Variants in E2F5 observed in about 807,000 individuals in gnomAD.
The protein encoded by E2F5 is E2F transcription factor 5, also known as transcription factor E2F5.
E2F5 carries 23 observed loss-of-function variants against 39.1 expected under a neutral mutation model. That is an observed-to-expected ratio of 0.59 (90% CI 0.42 to 0.83). The LOEUF is 0.83. Ranked by LOEUF, E2F5 falls within the 40% of genes least tolerant of loss-of-function variation. E2F5 has a pLI of 0.00. For synonymous variants in E2F5, 145 were observed against 157.8 expected, an observed-to-expected ratio of 0.92 and a Z score of 0.61; for missense variants, 365 against 406.7, an observed-to-expected ratio of 0.90 and a Z score of 0.88.
At chr8:85,213,098 A>AT (rs1812978372) in intron 7 of E2F5, 1 of 150,406 alleles carries the variant, frequency 6.6e-6, no homozygotes. Flanking sequence ...GGGTTTCACC[A>AT]TGTTGGCCAG....
At chr8:85,200,129 C>T (rs781104027) in intron 1 of E2F5, among the ~76,000 whole-genome samples, 13 of 152,074 alleles carry the variant, frequency 8.5e-5, no homozygotes, top group South Asian at 2.1e-4. Flanking sequence ...CACCTGTAGT[C>T]CCAGCTACTT....
At position 85,209,263 on chromosome 8, in the gene E2F5, C is replaced by T; in HGVS notation, c.737C>T (p.Pro246Leu). 6.2e-7 allele frequency: 1 copy of T among 1,614,004 alleles called. No homozygotes were observed. The highest frequency in any genetic ancestry group is 8.5e-7 in the Non-Finnish European group (1 of 1,179,906). ...SKPVVFPVPPPDDLTQPSSQS... is the reference protein window; with the variant it reads ...SKPVVFPVPPLDDLTQPSSQS... Reference sequence around the variant, plus strand: ...CCCGTGGTTTTTCCTGTTCCCCCACCTGATGACCTCACACAGCCTTCCTCC... The same window carrying T: ...CCCGTGGTTTTTCCTGTTCCCCCACTTGATGACCTCACACAGCCTTCCTCC... The change falls in exon 6 of 8, where the codon CCT (proline) becomes CTT (leucine). Residue 246 changes from proline (P) to leucine (L), a missense_variant. Pro to Leu is a moderately conservative substitution (Grantham distance 98). Coordinates refer to ENST00000416274, the MANE Select transcript of E2F5 (RefSeq NM_001951.4).
rs1374676846 is a variant in E2F5, at chr8:85,203,984, C to T, written c.506+729C>T. Among the ~76,000 whole-genome samples the T allele has an allele frequency of 4.0e-5, 6 of 151,724 alleles. No individual in the cohort carries two copies. The East Asian group carries it at 5.8e-4, about 15-fold the overall frequency. On this transcript the variant is annotated intron_variant, in intron 3 of 7. Coordinates refer to ENST00000416274, the MANE Select transcript of E2F5 (RefSeq NM_001951.4). The stretch of plus-strand genomic sequence containing the variant: ...TACCTGTACTCTTAAAGAAACTAAC[C>T]ACATTTTACCTTGTAGCACCTCATG...
intron 3 of E2F5, among the ~76,000 whole-genome samples, chr8:85,205,824 G>A (rs775875927): frequency 1.6e-4 from 24 of 152,092 alleles, no homozygotes; most frequent in Admixed American, 7.2e-4. Context: ...AAAAAACAAC[G>A]ATCACAGAAA....
intron 1 of E2F5, among the ~76,000 whole-genome samples, chr8:85,189,811 A>G (rs539668523): frequency 2.6e-5 from 4 of 152,270 alleles, no homozygotes; most frequent in Non-Finnish European, 5.9e-5. Context: ...GTATTCACAA[A>G]TGTGTGCCCC....
chr8:85,177,341 A>C lies in E2F5; in HGVS notation c.-80A>C. 2 of 969,978 alleles carry C rather than the reference A, an allele frequency of 2.1e-6. No homozygotes were observed. Among genetic ancestry groups the C allele is most frequent in the Non-Finnish European group, 2.5e-6 (2 of 816,032 alleles). 60.1% of individuals were successfully genotyped at this position (969,978 alleles called of 1,614,324 possible). On this transcript the variant is annotated 5_prime_UTR_variant, in exon 1 of 8. Transcript: ENST00000416274. ...GCGGGCGGGGAAGCGGCCGCAGCGG[A>C]GCCGACCCGGCAGGTGGCCGCGGGC...
chr8:85,182,125 G>T (rs918634251), intron 1 of E2F5, among the ~76,000 whole-genome samples: 40 of 152,316 alleles, frequency 2.6e-4, no homozygotes, highest in Non-Finnish European at 2.2e-4. Flanking sequence ...ATTTACAATA[G>T]TGGAGGTGGG....
At chr8:85,192,520 C>CT (rs1204810242) in intron 1 of E2F5, among the ~76,000 whole-genome samples, 1 of 152,114 alleles carries the variant, frequency 6.6e-6, no homozygotes, top group Admixed American at 6.5e-5. Flanking sequence ...AGAGAAAAGT[C>CT]TGAGGGTATG....
chr8:85,202,872 G>C lies in E2F5; in HGVS notation c.345-222G>C, dbSNP rs546710828. ...TCCAGATGACAAAAAAACACTGTAG[G>C]GAAGATTGAGAATTTTTGTAATTTG... On this transcript the variant is annotated intron_variant, in intron 2 of 7. Transcript: ENST00000416274. Among the ~76,000 whole-genome samples, 28 of 152,156 alleles carry C rather than the reference G, an allele frequency of 1.8e-4. 1 individual carries two copies. The South Asian group carries it at 5.8e-3, about 32-fold the overall frequency.
intron 5 of E2F5, 33 bp downstream of exon 5, chr8:85,207,522 G>A (rs910762261): frequency 4.4e-5 from 66 of 1,495,478 alleles, no homozygotes; most frequent in Non-Finnish European, 5.8e-5. Flanking sequence ...ATATAAGTGG[G>A]AAAAATGAAT....
chr8:85,177,485 G>T lies in E2F5; in HGVS notation c.65G>T (p.Arg22Leu). The change falls in exon 1 of 8, where the codon CGG becomes CTG. Residue 22 changes from arginine (R) to leucine (L), a missense_variant. Arg to Leu is a moderately radical substitution (Grantham distance 102, BLOSUM62 -2). Coordinates refer to ENST00000416274, the MANE Select transcript of E2F5 (RefSeq NM_001951.4). Reference sequence around the variant, plus strand: ...CCGGCAGGGCAGGGGCAGGGCCAGCGGCCGCCGCCGCAGCCTCCGCAGGCG... The same window carrying T: ...CCGGCAGGGCAGGGGCAGGGCCAGCTGCCGCCGCCGCAGCCTCCGCAGGCG... ...QAPAGQGQGQ[R>L]PPPQPPQAQA... 1 of 1,031,364 alleles carries T rather than the reference G, an allele frequency of 9.7e-7. No homozygotes were observed. The highest frequency in any genetic ancestry group is 4.6e-4 in the Middle Eastern group (1 of 2,168). 63.9% of individuals were successfully genotyped at this position (1,031,364 alleles called of 1,614,324 possible). A position where few individuals can be genotyped will look rare whatever the true frequency, so the allele number is the denominator to read the frequency against.
intron 1 of E2F5, chr8:85,177,865 C>T (rs1029273544): frequency 9.2e-6 from 8 of 869,954 alleles, no homozygotes; most frequent in South Asian, 1.1e-4. Flanking sequence ...CGAGCGGACG[C>T]GTAACCAATG....
intron 1 of E2F5, among the ~76,000 whole-genome samples, chr8:85,189,217 C>T (rs904269970): frequency 2.0e-5 from 3 of 152,068 alleles, no homozygotes; most frequent in South Asian, 2.1e-4. Flanking sequence ...ACTGAAGTAT[C>T]AGTAGAAAGC....
chr8:85,210,186 A>G (rs4150962), intron 6 of E2F5, among the ~76,000 whole-genome samples: 95,057 of 152,052 alleles, frequency 0.63, 30,354 homozygotes, highest in Non-Finnish European at 0.67. Context: ...ATTTAAAACT[A>G]TATTGTATAT....
At chr8:85,207,328 T>C in intron 4 of E2F5, 97 bp from the exon 5 acceptor site, 2 of 1,034,678 alleles carry the variant, frequency 1.9e-6, no homozygotes, top group South Asian at 3.2e-5. Context: ...TAGTTTGGGA[T>C]TGAACCAAAC....
At position 85,207,649 on chromosome 8, in the gene E2F5, T is replaced by A. The variant is rs539621673; in HGVS notation, c.615+160T>A. On this transcript the variant is annotated intron_variant, in intron 5 of 7. Coordinates refer to ENST00000416274, the MANE Select transcript of E2F5 (RefSeq NM_001951.4). ...ATAGCTGAATTTGTATGTCTTTAAT[T>A]CCTTGGTAAAATTATAGAACTAAAT... Among the ~76,000 whole-genome samples the A allele has an allele frequency of 8.5e-5, 13 of 152,360 alleles. No homozygotes were observed. In the South Asian group the frequency reaches 2.7e-3, roughly 32 times the overall value.
intron 1 of E2F5, among the ~76,000 whole-genome samples, chr8:85,189,616 G>T (rs4150886): frequency 0.042 from 6,366 of 152,132 alleles, 420 homozygotes; most frequent in African/African-American, 0.14. Flanking sequence ...TGATCCACCC[G>T]CCTCAGTCTC....
chr8:85,180,873 C>T (rs1027824434), intron 1 of E2F5, among the ~76,000 whole-genome samples: 1 of 151,194 alleles, frequency 6.6e-6, no homozygotes, highest in Non-Finnish European at 1.5e-5. Flanking sequence ...GCCACCGCGC[C>T]CGGCCGGTCT....
intron 1 of E2F5, among the ~76,000 whole-genome samples, chr8:85,182,978 C>CAAA (rs774064636): frequency 1.3e-5 from 2 of 152,108 alleles, no homozygotes; most frequent in African/African-American, 2.4e-5. Context: ...TTGGCCGGGC[C>CAAA]CGGTGGTTCA....
Sources: gnomAD v4.1 joint callset for allele counts (sites outside exome capture counted in the v4.1 genomes callset) on GRCh38, gnomAD v4.1.1 for gene constraint, MANE v1.5 for transcripts, NCBI Gene and HGNC (gene_info 2026-07-23, HGNC 2026-07-21) for gene names.